Variants in SNTB1 observed in about 807,000 individuals in gnomAD.
The protein encoded by SNTB1 is beta-1-syntrophin.
A neutral mutation model predicts 48.9 loss-of-function variants in SNTB1; 36 were observed. That is an observed-to-expected ratio of 0.74 (90% CI 0.56 to 0.97). The LOEUF (loss-of-function observed/expected upper bound fraction) is 0.97. Ranked by LOEUF, SNTB1 falls within the 50% of genes least tolerant of loss-of-function variation. The pLI is 0.00. For missense variants in SNTB1, 786 were observed against 703.4 expected (o/e 1.12, Z -1.33); for synonymous variants, 299 against 294.6 (o/e 1.01, Z -0.15).
At chr8:120,762,663 A>G (rs1282675198) in intron 1 of SNTB1, among the ~76,000 whole-genome samples, 3 of 152,182 alleles carry the variant, frequency 2.0e-5, no homozygotes, top group African/African-American at 7.2e-5. Flanking sequence ...TTATTGATTT[A>G]ACAAGTAAAT....
rs1816470097 is a variant in SNTB1, at chr8:120,604,051, G to C, written c.996+28393C>G. On this transcript the variant is annotated intron_variant, in intron 3 of 6. Coordinates refer to ENST00000517992, the MANE Select transcript of SNTB1 (RefSeq NM_021021.4). ...GCGAGTGAAAGGTGGCATTGGTCCA[G>C]ATCCTCTGATTACAGAAAAGGAAAA... Among the ~76,000 whole-genome samples, 3 of 152,148 alleles carry C rather than the reference G, an allele frequency of 2.0e-5. No individual in the cohort carries two copies. In the South Asian group the frequency reaches 6.2e-4, roughly 32 times the overall value.
intron 2 of SNTB1, chr8:120,636,991 T>C: frequency 3.1e-6 from 1 of 325,686 alleles, no homozygotes; most frequent in Non-Finnish European, 6.2e-6. Context: ...TCTTAGGAAT[T>C]CTTGGCCTGA....
intron 1 of SNTB1, among the ~76,000 whole-genome samples, chr8:120,753,225 G>A (rs1819253295): frequency 6.6e-6 from 1 of 152,036 alleles, no homozygotes; most frequent in East Asian, 1.9e-4. Context: ...AAGGAAAAAT[G>A]GTTAAGTGTA....
chr8:120,576,826 G>C (rs144195160), intron 3 of SNTB1, among the ~76,000 whole-genome samples: 3 of 152,246 alleles, frequency 2.0e-5, no homozygotes, highest in Non-Finnish European at 4.4e-5. Flanking sequence ...GCTAAAATTT[G>C]TAGAAATGCT....
chr8:120,568,030 G>A (rs1304581909), intron 4 of SNTB1, among the ~76,000 whole-genome samples: 2 of 152,106 alleles, frequency 1.3e-5, no homozygotes, highest in African/African-American at 2.4e-5. Flanking sequence ...AGAATGCATC[G>A]GAAGTAAATG....
chr8:120,640,982 T>C (rs931010378), intron 2 of SNTB1, among the ~76,000 whole-genome samples: 1 of 152,208 alleles, frequency 6.6e-6, no homozygotes, highest in Non-Finnish European at 1.5e-5. Context: ...CTGGTAGAAT[T>C]CGGCTGTGAA....
chr8:120,714,483 C>CTT lies in SNTB1; in HGVS notation c.572-20577_572-20576dup, dbSNP rs376862593. ...TGGAATCATGGAGATATATAAAGTC[C>CTT]TTTTTTTTTTTTCTGGCAAAAACAT... On this transcript the variant is annotated intron_variant, in intron 1 of 6. Coordinates refer to ENST00000517992, the MANE Select transcript of SNTB1 (RefSeq NM_021021.4). Among the ~76,000 whole-genome samples the CTT allele has an allele frequency of 2.6e-3, 375 of 146,598 alleles. 2 individuals carry two copies. The highest frequency in any genetic ancestry group is 8.8e-3 in the African/African-American group (354 of 40,228).
At chr8:120,755,770 T>G (rs949626275) in intron 1 of SNTB1, among the ~76,000 whole-genome samples, 4 of 152,170 alleles carry the variant, frequency 2.6e-5, no homozygotes, top group African/African-American at 9.7e-5. Context: ...ACATAGTAAG[T>G]ACTATGTTCC....
chr8:120,810,025 T>A (rs1237493000), intron 1 of SNTB1, among the ~76,000 whole-genome samples: 1 of 152,174 alleles, frequency 6.6e-6, no homozygotes, highest in Non-Finnish European at 1.5e-5. Context: ...TTGACTTAAG[T>A]CCTTAGTTTA....
Position 120,811,462 on chromosome 8 carries a change from T to C in SNTB1, c.382A>G (p.Lys128Glu). The C allele has an allele frequency of 6.2e-7, 1 of 1,614,000 alleles. No homozygotes were observed. Among genetic ancestry groups the C allele is most frequent in the Non-Finnish European group, 8.5e-7 (1 of 1,179,918 alleles). Residue 128 changes from lysine to glutamate, a missense_variant, in exon 1 of 7, where the codon AAG becomes GAG. Coordinates refer to ENST00000517992, the MANE Select transcript of SNTB1 (RefSeq NM_021021.4). ...GGCATCTTGTTCTCCTTGCCCCCCTTGATGCTGATCCCCAGCCCGCCCAGC... is the reference window on the plus strand; with the variant it reads ...GGCATCTTGTTCTCCTTGCCCCCCTCGATGCTGATCCCCAGCCCGCCCAGC... ...QELGGLGISIKGGKENKMPIL... is the reference protein window; with the variant it reads ...QELGGLGISIEGGKENKMPIL...
intron 1 of SNTB1, among the ~76,000 whole-genome samples, chr8:120,747,724 A>G (rs1324212535): frequency 6.6e-6 from 1 of 151,320 alleles, no homozygotes; most frequent in Non-Finnish European, 1.5e-5. Context: ...ACTAATGGTT[A>G]CTAGGCTTAA....
chr8:120,575,853 C>T (rs910936247), intron 3 of SNTB1, among the ~76,000 whole-genome samples: 1 of 152,182 alleles, frequency 6.6e-6, no homozygotes, highest in Non-Finnish European at 1.5e-5. Context: ...TGATAGTCAT[C>T]AGTAATGATT....
chr8:120,689,704 C>T (rs1818094439), intron 2 of SNTB1, among the ~76,000 whole-genome samples: 1 of 151,896 alleles, frequency 6.6e-6, no homozygotes, highest in Non-Finnish European at 1.5e-5. Context: ...TTATAGTTCC[C>T]TTTTGACCCA....
At chr8:120,572,978 AT>A in intron 4 of SNTB1, among the ~76,000 whole-genome samples, 1 of 152,184 alleles carries the variant, frequency 6.6e-6, no homozygotes, top group Non-Finnish European at 1.5e-5. Flanking sequence ...TAATGTTGCA[AT>A]GAACATGGGA....
At chr8:120,675,898 T>C (rs1470797399) in intron 2 of SNTB1, among the ~76,000 whole-genome samples, 2 of 152,248 alleles carry the variant, frequency 1.3e-5, no homozygotes, top group African/African-American at 4.8e-5. Context: ...CTTTGTGCAA[T>C]GGATACTGTG....
rs142897151 is a variant in SNTB1 at position 120,540,477 on chromosome 8, A to G, written c.1524+1333T>C. 4.4e-4 allele frequency among the ~76,000 whole-genome samples: 67 copies of G among 152,360 alleles called. 1 individual carries two copies. Among genetic ancestry groups the G allele is most frequent in the African/African-American group, 1.5e-3 (63 of 41,584 alleles). On this transcript the variant is annotated intron_variant, in intron 6 of 6. Transcript: ENST00000517992. ...AAAATAGCCTTGAATTTTTAAGCCA[A>G]GGATAAAGCAGGAGACTGATTCTTG... is the stretch of plus-strand genomic sequence containing the variant.
In SNTB1 at chr8:120,649,797, T is replaced by G. The variant is rs369959190; in HGVS notation, c.789-17146A>C. The stretch of plus-strand genomic sequence containing the variant: ...GCCACCTTGCAGTTGGATCTCAGAC[T>G]GCTGTGCTAGCAATCAGCGAGACTC... On this transcript the variant is annotated intron_variant, in intron 2 of 6. Transcript: ENST00000517992. Among the ~76,000 whole-genome samples, 20 of 152,294 alleles carry G rather than the reference T, an allele frequency of 1.3e-4. No homozygotes were observed. In the East Asian group the frequency reaches 1.5e-3, roughly 12 times the overall value.
At chr8:120,642,216 C>T (rs1168495071) in intron 2 of SNTB1, among the ~76,000 whole-genome samples, 1 of 152,140 alleles carries the variant, frequency 6.6e-6, no homozygotes, top group Non-Finnish European at 1.5e-5. Context: ...ACTGAGCTTC[C>T]CCTGTCAGTT....
Position 120,811,346 on chromosome 8 carries a change from G to T in SNTB1, c.498C>A (p.Ala166=). ...CGTCGTGGGTGGCGTCCCGCAGGTCGGCTCCGTTCACGGACAGGATGGCGT... is the reference window on the plus strand; with the variant it reads ...CGTCGTGGGTGGCGTCCCGCAGGTCTGCTCCGTTCACGGACAGGATGGCGT... ...VGDAILSVNG[A]DLRDATHDEA... Residue 166 remains alanine, a synonymous_variant, in exon 1 of 7, where the codon GCC becomes GCA. Coordinates refer to ENST00000517992, the MANE Select transcript of SNTB1 (RefSeq NM_021021.4). 5 of 1,613,050 alleles carry T rather than the reference G, an allele frequency of 3.1e-6. No individual in the cohort carries two copies. The highest frequency in any genetic ancestry group is 4.2e-6 in the Non-Finnish European group (5 of 1,179,886).
Sources: gnomAD v4.1 joint callset for allele counts (sites outside exome capture counted in the v4.1 genomes callset) on GRCh38, gnomAD v4.1.1 for gene constraint, MANE v1.5 for transcripts, NCBI Gene and HGNC (gene_info 2026-07-23, HGNC 2026-07-21) for gene names.